The following TAOK1 variants were observed in gnomAD, a reference collection of about 807,000 sequenced individuals.
TAOK1 encodes the protein serine/threonine-protein kinase TAO1.
In TAOK1, 21 loss-of-function variants were observed where a neutral mutation model predicts 138.3. The observed-to-expected ratio is 0.15, with a 90% CI of 0.11 to 0.22. The LOEUF is 0.22. Among genes scored for constraint, TAOK1 ranks in the 10% least tolerant of loss-of-function variants. TAOK1 has a pLI of 1.00. For missense variants in TAOK1, 651 were observed against 1,227.7 expected, an observed-to-expected ratio of 0.53 and a Z score of 7.02; for synonymous variants, 361 against 398.4, an observed-to-expected ratio of 0.91 and a Z score of 1.12.
chr17:29,475,823 T>A, intron 4 of TAOK1, 52 bp downstream of exon 4: 10 of 1,369,342 alleles, frequency 7.3e-6, no homozygotes, highest in Non-Finnish European at 1.0e-5. Flanking sequence ...TGGTTTATAA[T>A]GAATTAATTC....
rs2032387954 is a variant in TAOK1, at chr17:29,545,459, C to CTTT, written c.*2437_*2438insTTT. On this transcript the variant is annotated 3_prime_UTR_variant, in exon 20 of 20. Coordinates refer to ENST00000261716, the MANE Select transcript of TAOK1 (RefSeq NM_020791.4). ...ATTATTGGTGGTACATTTTAAAGTC[C>CTTT]AATTGTGGACTTAAATTAGTCAAAT... 6.6e-6 allele frequency: 1 copy of CTTT among 152,072 alleles called. No homozygotes were observed. Among genetic ancestry groups the CTTT allele is most frequent in the Non-Finnish European group, 1.5e-5 (1 of 68,028 alleles). The allele number at this position is 152,072 out of a possible 1,614,324, so 9.4% of individuals were successfully genotyped here. A position where few individuals can be genotyped will look rare whatever the true frequency, so the allele number is the denominator to read the frequency against.
At chr17:29,492,046 G>A (rs949438340) in intron 10 of TAOK1, among the ~76,000 whole-genome samples, 181 bp downstream of exon 10, 2 of 151,956 alleles carry the variant, frequency 1.3e-5, no homozygotes, top group African/African-American at 2.4e-5. Context: ...CACTGAACCC[G>A]GCTAATTTTT....
chr17:29,515,022 A>T (rs916748139), intron 15 of TAOK1: 1 of 138,808 alleles, frequency 7.2e-6, no homozygotes, highest in African/African-American at 2.6e-5. Context: ...AAAAAAAAAA[A>T]TTCTAGTTTG....
rs1208364033 is a variant in TAOK1 at position 29,458,771 on chromosome 17, T to C, written c.132+7091T>C. On this transcript the variant is annotated intron_variant, in intron 2 of 19. Transcript: ENST00000261716. ...ATGCAGTATTGCAATCTCGCCCCAC[T>C]GCAACCTCTGCCTCCTGGGTTCAAG... is the stretch of plus-strand genomic sequence containing the variant. 2.0e-5 allele frequency among the ~76,000 whole-genome samples: 3 copies of C among 152,224 alleles called. No individual in the cohort carries two copies. The East Asian group carries it at 5.8e-4, about 29-fold the overall frequency.
At chr17:29,419,954 A>G (rs1427354576) in intron 1 of TAOK1, among the ~76,000 whole-genome samples, 1 of 151,970 alleles carries the variant, frequency 6.6e-6, no homozygotes, top group Non-Finnish European at 1.5e-5. Flanking sequence ...ATCTTGGTTC[A>G]CTGCAGCCTC....
At chr17:29,496,245 C>T (rs150257533) in intron 11 of TAOK1, among the ~76,000 whole-genome samples, 167 of 151,516 alleles carry the variant, frequency 1.1e-3, no homozygotes, top group African/African-American at 3.5e-3. Context: ...GGATTATAGG[C>T]GCGCACCACC....
rs1425730050 is a variant in TAOK1, at chr17:29,457,667, A to C, written c.132+5987A>C. ...GCGATCCACCCATCTCGGCCTCCCA[A>C]AGTGCTGGGATTACAGGCGTGAGCC... On this transcript the variant is annotated intron_variant, in intron 2 of 19. Coordinates refer to ENST00000261716, the MANE Select transcript of TAOK1 (RefSeq NM_020791.4). Among the ~76,000 whole-genome samples, 211 of 143,266 alleles carry C rather than the reference A, an allele frequency of 1.5e-3. No homozygotes were observed. In the Middle Eastern group the frequency reaches 0.022, roughly 15 times the overall value. 94.0% of individuals were successfully genotyped at this position (143,266 alleles called of 152,430 possible). A position where few individuals can be genotyped will look rare whatever the true frequency, so the allele number is the denominator to read the frequency against.
In TAOK1 at chr17:29,536,319, G is replaced by A. The variant is rs145356994; in HGVS notation, c.2544+2019G>A. Among the ~76,000 whole-genome samples, 446 of 135,210 alleles carry A rather than the reference G, an allele frequency of 3.3e-3. 6 individuals carry two copies. The highest frequency in any genetic ancestry group is 0.011 in the African/African-American group (410 of 35,784). The allele number at this position is 135,210 out of a possible 152,430, so 88.7% of individuals were successfully genotyped here. A position where few individuals can be genotyped will look rare whatever the true frequency, so the allele number is the denominator to read the frequency against. ...GTCTCAAAAAATAAGATGAGAGGCCGGGGCATGGTGGCTCACACCTGTAAT... is the reference window on the plus strand; with the variant it reads ...GTCTCAAAAAATAAGATGAGAGGCCAGGGCATGGTGGCTCACACCTGTAAT... On this transcript the variant is annotated intron_variant, in intron 19 of 19. Transcript: ENST00000261716.
intron 12 of TAOK1, among the ~76,000 whole-genome samples, 156 bp downstream of exon 12, chr17:29,498,677 G>A (rs1023161332): frequency 1.3e-5 from 2 of 152,158 alleles, no homozygotes; most frequent in African/African-American, 4.8e-5. Context: ...CAGCACTTTG[G>A]GAGGCCGAGG....
intron 1 of TAOK1, among the ~76,000 whole-genome samples, chr17:29,419,552 G>A (rs912793559): frequency 8.0e-5 from 12 of 150,382 alleles, no homozygotes; most frequent in African/African-American, 2.9e-4. Context: ...GAGTGCAGTG[G>A]TGTGATCAAG....
intron 7 of TAOK1, among the ~76,000 whole-genome samples, chr17:29,481,908 C>T (rs2031072212): frequency 6.6e-6 from 1 of 152,008 alleles, no homozygotes; most frequent in Non-Finnish European, 1.5e-5. Context: ...TGCAGTGAGC[C>T]GAGATTGCGC....
At chr17:29,450,301 G>A (rs2030199926) in intron 1 of TAOK1, among the ~76,000 whole-genome samples, 1 of 152,096 alleles carries the variant, frequency 6.6e-6, no homozygotes, top group Non-Finnish European at 1.5e-5. Flanking sequence ...TGTCTGAGCT[G>A]GTCTCAAGCT....
intron 12 of TAOK1, among the ~76,000 whole-genome samples, chr17:29,501,221 TAAAAAAAA>T (rs66503222): frequency 4.1e-5 from 5 of 120,638 alleles, no homozygotes; most frequent in Admixed American, 8.8e-5. Flanking sequence ...CCCATCTGTT[TAAAAAAAA>T]AAAAAAAAAA....
chr17:29,462,360 A>C (rs1392406036), intron 2 of TAOK1, among the ~76,000 whole-genome samples: 1 of 152,226 alleles, frequency 6.6e-6, no homozygotes, highest in African/African-American at 2.4e-5. Context: ...TTAGTTTCCA[A>C]CACCTTAAAT....
intron 1 of TAOK1, among the ~76,000 whole-genome samples, chr17:29,445,849 C>T (rs1278691697): frequency 1.3e-5 from 2 of 152,244 alleles, no homozygotes; most frequent in South Asian, 4.2e-4. Context: ...AATGTTCTCT[C>T]TTCTAAGCTT....
intron 1 of TAOK1, among the ~76,000 whole-genome samples, chr17:29,406,689 C>T (rs1905001482): frequency 6.6e-6 from 1 of 151,778 alleles, no homozygotes. Context: ...GCACTACCCA[C>T]CCCCCCAACT....
intron 2 of TAOK1, among the ~76,000 whole-genome samples, chr17:29,452,926 T>C (rs1265039520): frequency 6.6e-6 from 1 of 152,186 alleles, no homozygotes; most frequent in Non-Finnish European, 1.5e-5. Flanking sequence ...CTATTGTGAA[T>C]GATGCTGCCA....
At chr17:29,542,235 T>TG (rs1397842420) in intron 19 of TAOK1, among the ~76,000 whole-genome samples, 1 of 151,826 alleles carries the variant, frequency 6.6e-6, no homozygotes, top group Non-Finnish European at 1.5e-5. Context: ...CTACAGAAGG[T>TG]GGGAGGGTGG....
intron 19 of TAOK1, among the ~76,000 whole-genome samples, chr17:29,539,424 TTTTTG>T (rs1209312450): frequency 2.0e-5 from 3 of 152,000 alleles, no homozygotes; most frequent in Non-Finnish European, 2.9e-5. Context: ...GCATGCCTGT[TTTTTG>T]TTTTGTTTTG....
Sources: gnomAD v4.1 joint callset for allele counts (sites outside exome capture counted in the v4.1 genomes callset) on GRCh38, gnomAD v4.1.1 for gene constraint, MANE v1.5 for transcripts, NCBI Gene and HGNC (gene_info 2026-07-23, HGNC 2026-07-21) for gene names.